FGF14: variants seen among roughly 807,000 people sequenced by gnomAD.
The protein encoded by FGF14 is fibroblast growth factor 14.
Under a neutral mutation model 25.5 loss-of-function variants are expected in FGF14, and 5 were observed. The observed-to-expected ratio is 0.20, with a 90% CI of 0.10 to 0.41. FGF14 has a LOEUF of 0.41. Ranked by LOEUF, FGF14 falls within the 10% of genes least tolerant of loss-of-function variation. The pLI is 1.00. For synonymous variants in FGF14, 138 were observed against 118.3 expected (o/e 1.17, Z -1.08); for missense variants, 222 against 320.1 (o/e 0.69, Z 2.34).
At chr13:102,189,519 A>G (rs1252299303) in intron 1 of FGF14, among the ~76,000 whole-genome samples, 1 of 152,176 alleles carries the variant, frequency 6.6e-6, no homozygotes, top group Non-Finnish European at 1.5e-5. Context: ...AATCCCTTAC[A>G]ACATTTAGGA....
At chr13:101,779,459 A>G (rs372581518) in intron 3 of FGF14, among the ~76,000 whole-genome samples, 23 of 152,194 alleles carry the variant, frequency 1.5e-4, no homozygotes, top group African/African-American at 5.3e-4. Context: ...TTAATGTATG[A>G]ATATTTCAGC....
chr13:101,776,269 T>C (rs2039096941), intron 3 of FGF14, among the ~76,000 whole-genome samples: 2 of 152,168 alleles, frequency 1.3e-5, no homozygotes, highest in South Asian at 2.1e-4. Context: ...GCTATTAAAA[T>C]TTAGAACTGT....
intron 3 of FGF14, among the ~76,000 whole-genome samples, chr13:101,846,960 C>A (rs74546257): frequency 0.047 from 7,129 of 152,036 alleles, 195 homozygotes; most frequent in African/African-American, 0.056. Flanking sequence ...TCTGAATTCT[C>A]TTCTGCCTTT....
At chr13:102,310,207 A>G (rs1203310903) in intron 1 of FGF14, among the ~76,000 whole-genome samples, 1 of 152,216 alleles carries the variant, frequency 6.6e-6, no homozygotes, top group Non-Finnish European at 1.5e-5. Flanking sequence ...AGGTGAGAAG[A>G]AGGAAAAACA....
In FGF14 at chr13:102,065,779, G is replaced by A. The variant is rs535739116; in HGVS notation, c.209-190483C>T. On this transcript the variant is annotated intron_variant, in intron 1 of 4. Coordinates refer to the FGF14 transcript ENST00000376131. The stretch of plus-strand genomic sequence containing the variant: ...ATATGTTAATGTATATTATATATTT[G>A]TAAATATTTATTAATATGTAATTGT... 3.3e-5 allele frequency among the ~76,000 whole-genome samples: 5 copies of A among 151,866 alleles called. 1 individual carries two copies. The East Asian group carries it at 9.7e-4, about 29-fold the overall frequency.
At chr13:102,310,799 A>G (rs1243332336) in intron 1 of FGF14, among the ~76,000 whole-genome samples, 3 of 150,828 alleles carry the variant, frequency 2.0e-5, no homozygotes, top group Non-Finnish European at 4.4e-5. Flanking sequence ...CTTGGCCTCC[A>G]GCAGGTCTGA....
chr13:101,769,454 T>C (rs1427347099), intron 3 of FGF14, among the ~76,000 whole-genome samples: 1 of 152,274 alleles, frequency 6.6e-6, no homozygotes, highest in East Asian at 1.9e-4. Context: ...TACTCCTTGA[T>C]ATGTACCCTA....
chr13:101,771,878 A>T (rs1313276233), intron 3 of FGF14, among the ~76,000 whole-genome samples: 1 of 152,024 alleles, frequency 6.6e-6, no homozygotes. Context: ...GAGTTTAGAC[A>T]AACTCTCAAG....
intron 1 of FGF14, among the ~76,000 whole-genome samples, chr13:102,138,788 G>C (rs1416728305): frequency 6.6e-6 from 1 of 152,196 alleles, no homozygotes; most frequent in African/African-American, 2.4e-5. Context: ...GTGAAGCAAA[G>C]TTATTGTGCA....
intron 1 of FGF14, among the ~76,000 whole-genome samples, chr13:101,968,651 C>T (rs569430064): frequency 8.1e-5 from 11 of 135,236 alleles, no homozygotes; most frequent in East Asian, 2.4e-4. Context: ...CCAGCCTGGG[C>T]GACAGAGCGA....
intron 1 of FGF14, among the ~76,000 whole-genome samples, chr13:102,255,459 G>A (rs941634976): frequency 6.6e-6 from 1 of 152,186 alleles, no homozygotes; most frequent in African/African-American, 2.4e-5. Flanking sequence ...ATGAGAGGGG[G>A]AAGCCATCCA....
At chr13:102,208,927 C>T (rs1281026176) in intron 1 of FGF14, among the ~76,000 whole-genome samples, 2 of 152,176 alleles carry the variant, frequency 1.3e-5, no homozygotes, top group African/African-American at 4.8e-5. Context: ...TGTATTATTT[C>T]TACCCAAATT....
chr13:101,723,938 T>G (rs2035179209), intron 4 of FGF14, among the ~76,000 whole-genome samples: 1 of 152,106 alleles, frequency 6.6e-6, no homozygotes, highest in Non-Finnish European at 1.5e-5. Flanking sequence ...CCCTTAGATT[T>G]AGTTAAGATG....
At chr13:102,350,277 G>A (rs2057236702) in intron 1 of FGF14, among the ~76,000 whole-genome samples, 2 of 152,084 alleles carry the variant, frequency 1.3e-5, no homozygotes, top group African/African-American at 4.8e-5. Context: ...GCTGAGGCAG[G>A]AGGATCCCTT....
At chr13:101,863,864 G>A (rs1045141957) in intron 3 of FGF14, among the ~76,000 whole-genome samples, 9 of 152,076 alleles carry the variant, frequency 5.9e-5, no homozygotes, top group African/African-American at 1.9e-4. Context: ...TGGGTTGCTC[G>A]GATGCTTTTA....
intron 1 of FGF14, among the ~76,000 whole-genome samples, chr13:102,197,559 T>C (rs928880832): frequency 5.3e-5 from 8 of 152,116 alleles, no homozygotes; most frequent in Non-Finnish European, 8.8e-5. Context: ...ATAAAATAAA[T>C]CTCTCAATTC....
At chr13:102,149,020 T>C (rs2046970492) in intron 1 of FGF14, among the ~76,000 whole-genome samples, 1 of 152,118 alleles carries the variant, frequency 6.6e-6, no homozygotes, top group African/African-American at 2.4e-5. Flanking sequence ...CAGGGAGACA[T>C]AGAAAACTGC....
At chr13:101,854,296 A>C (rs1006128262) in intron 3 of FGF14, among the ~76,000 whole-genome samples, 6 of 152,088 alleles carry the variant, frequency 3.9e-5, no homozygotes, top group African/African-American at 1.4e-4. Context: ...GATTTCTAAG[A>C]GTGATCCCAA....
intron 1 of FGF14, among the ~76,000 whole-genome samples, chr13:101,933,647 C>T (rs1020283484): frequency 1.3e-5 from 2 of 152,282 alleles, no homozygotes; most frequent in East Asian, 3.9e-4. Flanking sequence ...TCACTTAAAT[C>T]TGGGAGGCAG....
Sources: gnomAD v4.1 joint callset for allele counts (sites outside exome capture counted in the v4.1 genomes callset) on GRCh38, gnomAD v4.1.1 for gene constraint, MANE v1.5 for transcripts, NCBI Gene and HGNC (gene_info 2026-07-23, HGNC 2026-07-21) for gene names.